UGT1A9: variants seen among roughly 807,000 people sequenced by gnomAD.
The protein encoded by UGT1A9 is UDP-glucuronosyltransferase 1A9.
A neutral mutation model predicts 45.0 loss-of-function variants in UGT1A9; 35 were observed. That is an observed-to-expected ratio of 0.78 (90% confidence interval 0.59 to 1.03). The LOEUF is 1.03. Ranked by LOEUF, UGT1A9 falls within the 50% of genes least tolerant of loss-of-function variation. The probability of loss-of-function intolerance (pLI) is 0.00; values close to 1 mark genes in which losing one functional copy is unlikely to be tolerated. For missense variants in UGT1A9, 687 were observed against 666.6 expected (o/e 1.03, Z -0.34); for synonymous variants, 278 against 250.6 (o/e 1.11, Z -1.03).
Position 233,699,006 on chromosome 2 carries a change from C to G in UGT1A9, c.855+26217C>G, listed in dbSNP as rs35189350. On this transcript the variant is annotated intron_variant, in intron 1 of 4. Transcript: ENST00000354728. ...CAGGTGGTGATTCCTGCTGTAAGAACATGAGAGGCTGAGCCACCAGGCAGT... is the reference window on the plus strand; with the variant it reads ...CAGGTGGTGATTCCTGCTGTAAGAAGATGAGAGGCTGAGCCACCAGGCAGT... 5.9e-3 allele frequency among the ~76,000 whole-genome samples: 904 copies of G among 152,336 alleles called. 8 individuals carry two copies. The highest frequency in any genetic ancestry group is 0.014 in the Middle Eastern group (4 of 294).
chr2:233,742,980 A>C (rs890471778), intron 1 of UGT1A9: 2 of 228,494 alleles, frequency 8.8e-6, no homozygotes, highest in African/African-American at 4.7e-5. Flanking sequence ...CTTAAGTTTA[A>C]TAAATAGCAA....
intron 1 of UGT1A9, chr2:233,693,417 T>C: frequency 6.2e-7 from 1 of 1,614,112 alleles, no homozygotes; most frequent in Non-Finnish European, 8.5e-7. Flanking sequence ...ACCCTGAACT[T>C]CTTTAAGGAG....
chr2:233,757,541 T>TATACATATACATATAC (rs1229454769), intron 1 of UGT1A9, among the ~76,000 whole-genome samples: 1 of 117,592 alleles, frequency 8.5e-6, no homozygotes, highest in Admixed American at 8.1e-5. Context: ...AAGGAATATA[T>TATACATATACATATAC]ATATATATAT....
At chr2:233,731,204 C>T (rs755932690) in intron 1 of UGT1A9, among the ~76,000 whole-genome samples, 4 of 151,184 alleles carry the variant, frequency 2.6e-5, no homozygotes, top group Admixed American at 6.6e-5. Context: ...TTATAAAATA[C>T]GTGTTTATTT....
At chr2:233,678,668 T>C (rs143188030) in intron 1 of UGT1A9, among the ~76,000 whole-genome samples, 4 of 152,336 alleles carry the variant, frequency 2.6e-5, no homozygotes, top group African/African-American at 4.8e-5. Flanking sequence ...CTATGAGGCT[T>C]GTATTGTGTA....
intron 1 of UGT1A9, chr2:233,729,208 A>C: frequency 6.2e-7 from 1 of 1,614,056 alleles, no homozygotes; most frequent in Non-Finnish European, 8.5e-7. Flanking sequence ...CTGGGCTGAG[A>C]GTGGAAAGGT....
intron 1 of UGT1A9, among the ~76,000 whole-genome samples, chr2:233,752,861 G>T (rs1247616817): frequency 2.0e-5 from 3 of 152,178 alleles, no homozygotes; most frequent in Non-Finnish European, 2.9e-5. Context: ...TGAACTTTGT[G>T]TTAGCTTTCA....
intron 1 of UGT1A9, among the ~76,000 whole-genome samples, chr2:233,679,205 G>C (rs1332301460): frequency 1.1e-4 from 16 of 152,168 alleles, no homozygotes; most frequent in Admixed American, 4.6e-4. Context: ...TGAACTTGTG[G>C]GTTCTGGGTG....
At chr2:233,698,992 T>G (rs1394299071) in intron 1 of UGT1A9, among the ~76,000 whole-genome samples, 2 of 152,230 alleles carry the variant, frequency 1.3e-5, no homozygotes, top group Non-Finnish European at 2.9e-5. Context: ...AGGTGGTGAT[T>G]CCTGCTGTAA....
At chr2:233,732,625 G>A (rs1018274304) in intron 1 of UGT1A9, among the ~76,000 whole-genome samples, 1 of 152,154 alleles carries the variant, frequency 6.6e-6, no homozygotes, top group African/African-American at 2.4e-5. Context: ...TAGATGTGTG[G>A]TGTTATTTCT....
At chr2:233,763,395 T>C (rs1347086472) in intron 1 of UGT1A9, among the ~76,000 whole-genome samples, 2 of 152,256 alleles carry the variant, frequency 1.3e-5, no homozygotes, top group African/African-American at 2.4e-5. Context: ...TTAAACAACA[T>C]GGCACTGGTA....
intron 1 of UGT1A9, among the ~76,000 whole-genome samples, chr2:233,674,911 C>T (rs965291552): frequency 6.6e-6 from 1 of 152,166 alleles, no homozygotes; most frequent in Non-Finnish European, 1.5e-5. Flanking sequence ...GTTTCAGATG[C>T]CAGGATGTGT....
At chr2:233,735,312 T>C (rs924133662) in intron 1 of UGT1A9, among the ~76,000 whole-genome samples, 9 of 152,172 alleles carry the variant, frequency 5.9e-5, no homozygotes, top group Admixed American at 1.3e-4. Context: ...GTCTGTTTTA[T>C]CAGAGACTAG....
rs781661199 is a variant in UGT1A9, at chr2:233,681,954, G to C, written c.855+9165G>C. The C allele has an allele frequency of 3.7e-6, 6 of 1,613,888 alleles. No individual in the cohort carries two copies. The Admixed American group carries it at 6.7e-5, about 18-fold the overall frequency. On this transcript the variant is annotated intron_variant, in intron 1 of 4. Coordinates refer to ENST00000354728, the MANE Select transcript of UGT1A9 (RefSeq NM_021027.3). ...AGTTCTCTGATGGCTCGTGCAGGGT[G>C]GACTGGCCTCCTTCCCCTATATGTG... is the stretch of plus-strand genomic sequence containing the variant.
In UGT1A9 at chr2:233,672,279, C is replaced by A; in HGVS notation, c.345C>A (p.Asp115Glu). ...IYSLLMGSYN[D>E]IFDLFFSNCR... ...CTCTATTAATGGGTTCATACAATGA[C>A]ATTTTTGACTTATTTTTTTCAAATT... The change falls in exon 1 of 5, where the codon GAC becomes GAA. Residue 115 changes from aspartate (D) to glutamate (E), a missense_variant. Coordinates refer to ENST00000354728, the MANE Select transcript of UGT1A9 (RefSeq NM_021027.3). 6.2e-7 allele frequency: 1 copy of A among 1,613,760 alleles called. No homozygotes were observed. Among genetic ancestry groups the A allele is most frequent in the Admixed American group, 1.7e-5 (1 of 59,946 alleles).
At position 233,682,359 on chromosome 2, in the gene UGT1A9, G is replaced by C. The variant is rs72551332; in HGVS notation, c.855+9570G>C. 2.6e-4 allele frequency: 418 copies of C among 1,614,054 alleles called. No homozygotes were observed. Among genetic ancestry groups the C allele is most frequent in the Middle Eastern group, 1.2e-3 (7 of 6,056 alleles). Reference sequence around the variant, plus strand: ...TTAGTAGAATACTTAAAGGAGAGTTGTTTTGATGCAGTGTTTCTCGATCCT... The same window carrying C: ...TTAGTAGAATACTTAAAGGAGAGTTCTTTTGATGCAGTGTTTCTCGATCCT... On this transcript the variant is annotated intron_variant, in intron 1 of 4. Coordinates refer to ENST00000354728, the MANE Select transcript of UGT1A9 (RefSeq NM_021027.3).
intron 1 of UGT1A9, chr2:233,753,774 T>C (rs1695305556): frequency 6.6e-6 from 1 of 152,238 alleles, no homozygotes; most frequent in Admixed American, 6.5e-5. Flanking sequence ...TTGGAAACGC[T>C]TTTCTTTACA....
chr2:233,687,881 C>A (rs934476271), intron 1 of UGT1A9, among the ~76,000 whole-genome samples: 2 of 152,110 alleles, frequency 1.3e-5, no homozygotes, highest in African/African-American at 2.4e-5. Context: ...CCACTCCAGC[C>A]TGGGTGATAG....
intron 1 of UGT1A9, among the ~76,000 whole-genome samples, chr2:233,674,231 TG>T (rs2074277681): frequency 6.6e-6 from 1 of 152,292 alleles, no homozygotes; most frequent in South Asian, 2.1e-4. Context: ...CATGGGAAAG[TG>T]AAATAATGCT....
Sources: allele counts gnomAD v4.1 joint callset (sites outside exome capture counted in the v4.1 genomes callset), GRCh38; gene constraint gnomAD v4.1.1; transcripts MANE v1.5; gene names NCBI Gene and HGNC (gene_info 2026-07-23, HGNC 2026-07-21).